The following DOCK5 variants were observed in gnomAD, a reference collection of about 807,000 sequenced individuals.
DOCK5 encodes dedicator of cytokinesis 5, also known as dedicator of cytokinesis protein 5.
Under a neutral mutation model 251.8 loss-of-function variants are expected in DOCK5, and 142 were observed. That is an observed-to-expected ratio of 0.56 (90% CI 0.49 to 0.65). The LOEUF (loss-of-function observed/expected upper bound fraction) is 0.65, where lower values mean the gene tolerates loss of function less well. DOCK5 is among the 30% of genes least tolerant of loss of function. The pLI, the probability that DOCK5 is intolerant of heterozygous loss-of-function variation, is 0.00. For missense variants in DOCK5, 2,111 were observed against 2,312.3 expected, an observed-to-expected ratio of 0.91 and a Z score of 1.79; for synonymous variants, 842 against 835.5, an observed-to-expected ratio of 1.01 and a Z score of -0.13.
intron 6 of DOCK5, among the ~76,000 whole-genome samples, chr8:25,295,813 G>GTA (rs1804603049): frequency 6.6e-6 from 1 of 152,072 alleles, no homozygotes; most frequent in African/African-American, 2.4e-5. Flanking sequence ...ATGTGTGTAT[G>GTA]TATTTATTTA....
intron 5 of DOCK5, among the ~76,000 whole-genome samples, chr8:25,286,417 T>A (rs1804333973): frequency 6.6e-6 from 1 of 152,186 alleles, no homozygotes. Flanking sequence ...TCCAGTCTCT[T>A]TATTTTACAT....
intron 2 of DOCK5, among the ~76,000 whole-genome samples, chr8:25,244,640 C>A (rs184504444): frequency 6.6e-6 from 1 of 152,114 alleles, no homozygotes; most frequent in African/African-American, 2.4e-5. Context: ...AGAGATGGTC[C>A]GCGAGGACCC....
At chr8:25,385,071 A>T (rs1260758199) in intron 40 of DOCK5, among the ~76,000 whole-genome samples, 1 of 152,172 alleles carries the variant, frequency 6.6e-6, no homozygotes, top group Non-Finnish European at 1.5e-5. Context: ...AGGCAAGAGC[A>T]GGGCAGTGCC....
chr8:25,359,163 G>A lies in DOCK5; in HGVS notation c.2949+102G>A, dbSNP rs1437706107. On this transcript the variant is annotated intron_variant, in intron 28 of 51. Transcript: ENST00000276440. Reference sequence around the variant, plus strand: ...CGTGAGTCCAGGGTTCTCTTCCCACGCACCTCCGGTGCTATGTGGCTGTCC... The same window carrying A: ...CGTGAGTCCAGGGTTCTCTTCCCACACACCTCCGGTGCTATGTGGCTGTCC... 16 of 957,074 alleles carry A rather than the reference G, an allele frequency of 1.7e-5. 1 individual carries two copies. Among genetic ancestry groups the A allele is most frequent in the South Asian group, 9.7e-5 (7 of 72,184 alleles). 59.3% of individuals were successfully genotyped at this position (957,074 alleles called of 1,614,324 possible).
At chr8:25,225,675 T>C (rs1204275530) in intron 1 of DOCK5, among the ~76,000 whole-genome samples, 1 of 147,004 alleles carries the variant, frequency 6.8e-6, no homozygotes. Context: ...CACTGCACTC[T>C]GGCCTGGGCG....
chr8:25,265,418 C>A (rs1490104449), intron 2 of DOCK5, among the ~76,000 whole-genome samples: 1 of 151,896 alleles, frequency 6.6e-6, no homozygotes, highest in Non-Finnish European at 1.5e-5. Flanking sequence ...TCACAACTTC[C>A]TCGCTTGATT....
At position 25,301,254 on chromosome 8, in the gene DOCK5, G is replaced by T. The variant is rs549729358; in HGVS notation, c.846+597G>T. 1.8e-3 allele frequency among the ~76,000 whole-genome samples: 275 copies of T among 152,212 alleles called. 1 individual carries two copies. The highest frequency in any genetic ancestry group is 3.0e-3 in the Non-Finnish European group (203 of 68,034). ...AGCATATTCATCACAGACAAGGGGG[G>T]GCTACTCTATCAATGTGCCACAATA... On this transcript the variant is annotated intron_variant, in intron 9 of 51. Coordinates refer to ENST00000276440, the MANE Select transcript of DOCK5 (RefSeq NM_024940.8).
chr8:25,389,032 TC>T, intron 40 of DOCK5, 58 bp from the exon 41 acceptor site: 8 of 1,562,406 alleles, frequency 5.1e-6, no homozygotes, highest in South Asian at 1.1e-5. Flanking sequence ...TACCCGGAAC[TC>T]CAGTTGCCTC....
intron 5 of DOCK5, among the ~76,000 whole-genome samples, chr8:25,287,886 C>T (rs899474976): frequency 2.7e-4 from 38 of 138,834 alleles, no homozygotes; most frequent in African/African-American, 9.5e-4. Context: ...AGCATATGCT[C>T]TTTTTTTTTT....
chr8:25,245,994 A>G (rs1298236889), intron 2 of DOCK5, among the ~76,000 whole-genome samples: 1 of 152,136 alleles, frequency 6.6e-6, no homozygotes, highest in Non-Finnish European at 1.5e-5. Context: ...TGGTGATGTC[A>G]GCTGTTTGCT....
intron 30 of DOCK5, among the ~76,000 whole-genome samples, chr8:25,366,587 A>G (rs533831126): frequency 1.3e-5 from 2 of 152,316 alleles, no homozygotes; most frequent in African/African-American, 4.8e-5. Context: ...TTTGAAACAT[A>G]GTGCCAAAGT....
At chr8:25,323,746 T>C in intron 16 of DOCK5, 102 bp from the exon 17 acceptor site, 1 of 1,279,678 alleles carries the variant, frequency 7.8e-7, no homozygotes, top group Non-Finnish European at 1.1e-6. Flanking sequence ...TATTAGAATA[T>C]GGTTGAACGC....
chr8:25,380,207 A>G (rs1313189959), intron 38 of DOCK5, 98 bp from the exon 39 acceptor site: 2 of 1,036,494 alleles, frequency 1.9e-6, no homozygotes, highest in African/African-American at 1.6e-5. Context: ...AATCCCCCAG[A>G]CCACTTGCTC....
chr8:25,268,091 G>A (rs1352722527), intron 2 of DOCK5, among the ~76,000 whole-genome samples: 10 of 152,066 alleles, frequency 6.6e-5, no homozygotes, highest in Non-Finnish European at 1.5e-4. Flanking sequence ...TTAAACTTCT[G>A]ACGTCATGAT....
At chr8:25,315,755 C>A (rs904928688) in intron 13 of DOCK5, among the ~76,000 whole-genome samples, 11 of 152,336 alleles carry the variant, frequency 7.2e-5, no homozygotes, top group African/African-American at 2.4e-4. Context: ...TCTCCATTGA[C>A]AAAGAGTGTG....
intron 16 of DOCK5, 130 bp downstream of exon 16, chr8:25,321,182 C>T: frequency 1.3e-6 from 1 of 758,076 alleles, no homozygotes; most frequent in Non-Finnish European, 2.2e-6. Context: ...TTGTAACTCA[C>T]TGGTGCTAAG....
chr8:25,301,843 A>G (rs982084191), intron 9 of DOCK5, among the ~76,000 whole-genome samples: 1 of 152,254 alleles, frequency 6.6e-6, no homozygotes, highest in Non-Finnish European at 1.5e-5. Flanking sequence ...TAGTCCCATA[A>G]AGCAGTGCCT....
chr8:25,325,329 C>T, intron 17 of DOCK5, 35 bp from the exon 18 acceptor site: 3 of 1,594,648 alleles, frequency 1.9e-6, no homozygotes, highest in Non-Finnish European at 2.6e-6. Flanking sequence ...GAGATTTTGG[C>T]CATCATTTGG....
In DOCK5 at chr8:25,184,706, C is replaced by T. The variant is rs1248971608; in HGVS notation, c.-203C>T. ...GGGCGCGCACTGCTGCGCTGCAGCC[C>T]GGCCCAGCAGGTGACCGCGGGCGGC... On this transcript the variant is annotated 5_prime_UTR_variant, in exon 1 of 52. Transcript: ENST00000276440. 2 of 206,374 alleles carry T rather than the reference C, an allele frequency of 9.7e-6. No individual in the cohort carries two copies. Among genetic ancestry groups the T allele is most frequent in the Non-Finnish European group, 9.0e-6 (1 of 111,152 alleles). The allele number at this position is 206,374 out of a possible 1,614,324, so 12.8% of individuals were successfully genotyped here.
Sources: gnomAD v4.1 joint callset for allele counts (sites outside exome capture counted in the v4.1 genomes callset) on GRCh38, gnomAD v4.1.1 for gene constraint, MANE v1.5 for transcripts, NCBI Gene and HGNC (gene_info 2026-07-23, HGNC 2026-07-21) for gene names.